NAALADL2: variants seen among roughly 807,000 people sequenced by gnomAD.
NAALADL2 encodes N-acetylated alpha-linked acidic dipeptidase like 2.
A neutral mutation model predicts 87.2 loss-of-function variants in NAALADL2; 76 were observed. That is an observed-to-expected ratio of 0.87 (90% CI 0.72 to 1.05). The LOEUF is 1.05. Ranked by LOEUF, NAALADL2 falls within the 50% of genes least tolerant of loss-of-function variation. The pLI, the probability that NAALADL2 is intolerant of heterozygous loss-of-function variation, is 0.00. For synonymous variants in NAALADL2, 354 were observed against 331.0 expected, an observed-to-expected ratio of 1.07 and a Z score of -0.75; for missense variants, 1,089 against 945.8, an observed-to-expected ratio of 1.15 and a Z score of -1.99.
At chr3:175,166,901 C>T (rs1444574300) in intron 2 of NAALADL2, among the ~76,000 whole-genome samples, 1 of 152,058 alleles carries the variant, frequency 6.6e-6, no homozygotes, top group East Asian at 1.9e-4. Context: ...AGTGAGATCA[C>T]CTTCCACCCA....
chr3:175,793,735 G>A (rs1205779521), intron 13 of NAALADL2, among the ~76,000 whole-genome samples: 1 of 152,078 alleles, frequency 6.6e-6, no homozygotes, highest in Non-Finnish European at 1.5e-5. Context: ...CAAACAATAA[G>A]TTCAAAATAA....
chr3:175,369,600 AG>A (rs1444562106), intron 5 of NAALADL2: 1 of 152,370 alleles, frequency 6.6e-6, no homozygotes. Context: ...CACACATAGC[AG>A]GTGTATATAT....
intron 1 of NAALADL2, among the ~76,000 whole-genome samples, chr3:174,949,988 A>G (rs1246613281): frequency 6.6e-6 from 1 of 152,172 alleles, no homozygotes; most frequent in African/African-American, 2.4e-5. Context: ...GGGCAGGTCT[A>G]AGCAAACTAC....
At chr3:175,198,107 A>T (rs1739288966) in intron 2 of NAALADL2, among the ~76,000 whole-genome samples, 2 of 152,102 alleles carry the variant, frequency 1.3e-5, no homozygotes, top group South Asian at 4.1e-4. Context: ...TAATTTATTT[A>T]ATCATAGATC....
chr3:175,136,732 G>C, intron 2 of NAALADL2, among the ~76,000 whole-genome samples: 1 of 152,040 alleles, frequency 6.6e-6, no homozygotes, highest in East Asian at 1.9e-4. Context: ...TTGAAGGCTT[G>C]ATTGATGTAG....
chr3:174,776,149 A>G (rs1446179183), intron 3 of NAALADL2, among the ~76,000 whole-genome samples: 5 of 152,154 alleles, frequency 3.3e-5, no homozygotes, highest in Non-Finnish European at 7.4e-5. Flanking sequence ...GCCAAGCAAG[A>G]CAAATATTTC....
intron 11 of NAALADL2, among the ~76,000 whole-genome samples, chr3:175,697,793 A>G (rs1324446868): frequency 1.4e-5 from 2 of 144,196 alleles, no homozygotes; most frequent in Non-Finnish European, 3.0e-5. Flanking sequence ...ATGTGTGTGT[A>G]TATATGTATA....
chr3:174,865,875 T>TC (rs1727081477), intron 1 of NAALADL2, among the ~76,000 whole-genome samples: 1 of 151,800 alleles, frequency 6.6e-6, no homozygotes, highest in Non-Finnish European at 1.5e-5. Flanking sequence ...TTGCTTTATT[T>TC]CCCCCCTCTT....
intron 11 of NAALADL2, among the ~76,000 whole-genome samples, chr3:175,681,537 C>A (rs1296048263): frequency 6.6e-6 from 1 of 152,170 alleles, no homozygotes; most frequent in Non-Finnish European, 1.5e-5. Context: ...ACTATAAAGC[C>A]TTAAAAATCA....
intron 2 of NAALADL2, among the ~76,000 whole-genome samples, chr3:174,711,092 A>C (rs1172381732): frequency 2.0e-5 from 3 of 152,152 alleles, no homozygotes; most frequent in Non-Finnish European, 4.4e-5. Context: ...CTATGTCCCC[A>C]TGTTTTCCTC....
At chr3:175,537,855 A>T (rs570424425) in intron 9 of NAALADL2, among the ~76,000 whole-genome samples, 1 of 152,326 alleles carries the variant, frequency 6.6e-6, no homozygotes, top group East Asian at 1.9e-4. Context: ...TGCTAGTGGT[A>T]AAGTTAAATA....
intron 1 of NAALADL2, among the ~76,000 whole-genome samples, chr3:174,991,466 ATTT>A (rs1293446118): frequency 7.6e-6 from 1 of 131,870 alleles, no homozygotes; most frequent in African/African-American, 3.7e-5. Flanking sequence ...TTTTAGAGAC[ATTT>A]AATTTTTTAT....
chr3:175,501,362 T>C (rs1410060415), intron 9 of NAALADL2, among the ~76,000 whole-genome samples: 4 of 151,792 alleles, frequency 2.6e-5, no homozygotes, highest in Non-Finnish European at 5.9e-5. Flanking sequence ...ACCTCCACAA[T>C]TATATTACCC....
intron 1 of NAALADL2, among the ~76,000 whole-genome samples, chr3:174,978,800 G>A: frequency 6.6e-6 from 1 of 152,134 alleles, no homozygotes; most frequent in South Asian, 2.1e-4. Flanking sequence ...ACATTTTAGA[G>A]TCCAAGAGAA....
chr3:174,667,762 G>A lies in NAALADL2; in HGVS notation c.-114-69879G>A, dbSNP rs565307269. 4.3e-4 allele frequency among the ~76,000 whole-genome samples: 66 copies of A among 152,038 alleles called. No individual in the cohort carries two copies. In the South Asian group the frequency reaches 5.4e-3, roughly 12 times the overall value. On this transcript the variant is annotated intron_variant, in intron 2 of 3. Transcript: ENST00000434257. ...ATAAGAAGTGTCTGGTGAAGGGGAGGTTAAAGGTTATAATTGTATTTCTAA... is the reference window on the plus strand; with the variant it reads ...ATAAGAAGTGTCTGGTGAAGGGGAGATTAAAGGTTATAATTGTATTTCTAA...
intron 1 of NAALADL2, among the ~76,000 whole-genome samples, chr3:174,940,314 A>G (rs1474286335): frequency 1.3e-5 from 2 of 152,162 alleles, no homozygotes; most frequent in Non-Finnish European, 2.9e-5. Context: ...AATCACATTT[A>G]TTGATGTACA....
intron 10 of NAALADL2, among the ~76,000 whole-genome samples, chr3:175,606,662 A>G: frequency 6.6e-6 from 1 of 152,182 alleles, no homozygotes; most frequent in East Asian, 1.9e-4. Context: ...GCATTCAGAT[A>G]CTTGAATGGA....
chr3:175,102,863 A>T, intron 2 of NAALADL2, among the ~76,000 whole-genome samples: 1 of 152,132 alleles, frequency 6.6e-6, no homozygotes, highest in East Asian at 1.9e-4. Flanking sequence ...TAATCCCAGC[A>T]CTTTGGGAGG....
intron 1 of NAALADL2, among the ~76,000 whole-genome samples, chr3:174,463,695 A>G (rs969247935): frequency 1.4e-5 from 2 of 146,518 alleles, no homozygotes; most frequent in Admixed American, 7.0e-5. Flanking sequence ...CTGCCTCCCG[A>G]GTTCACGCCA....
Sources: gnomAD v4.1 joint callset for allele counts (sites outside exome capture counted in the v4.1 genomes callset) on GRCh38, gnomAD v4.1.1 for gene constraint, MANE v1.5 for transcripts, NCBI Gene and HGNC (gene_info 2026-07-23, HGNC 2026-07-21) for gene names.